The following DSCAM variants were observed in gnomAD, a reference collection of about 807,000 sequenced individuals.
DSCAM encodes DS cell adhesion molecule.
A neutral mutation model predicts 217.7 loss-of-function variants in DSCAM; 47 were observed. The observed-to-expected ratio is 0.22, with a 90% confidence interval of 0.17 to 0.28. DSCAM has a LOEUF of 0.28. Among genes scored for constraint, DSCAM ranks in the 10% least tolerant of loss-of-function variants. The probability of loss-of-function intolerance (pLI) is 1.00; values close to 1 mark genes in which losing one functional copy is unlikely to be tolerated. For synonymous variants in DSCAM, 1,056 were observed against 1,015.3 expected, an observed-to-expected ratio of 1.04 and a Z score of -0.76; for missense variants, 2,080 against 2,618.3, an observed-to-expected ratio of 0.79 and a Z score of 4.49.
At chr21:40,819,033 G>A (rs144124651) in intron 1 of DSCAM, among the ~76,000 whole-genome samples, 1 of 152,302 alleles carries the variant, frequency 6.6e-6, no homozygotes, top group African/African-American at 2.4e-5. Flanking sequence ...TTGCGTAACA[G>A]CCATCCACCC....
chr21:40,815,173 G>T (rs2091869880), intron 1 of DSCAM, among the ~76,000 whole-genome samples: 1 of 151,962 alleles, frequency 6.6e-6, no homozygotes, highest in Admixed American at 6.6e-5. Flanking sequence ...AGTTCCCAAA[G>T]AAAAAAGGTA....
intron 1 of DSCAM, among the ~76,000 whole-genome samples, chr21:40,716,020 T>C (rs2090838218): frequency 6.6e-6 from 1 of 152,194 alleles, no homozygotes; most frequent in South Asian, 2.1e-4. Context: ...GTGAAATTAT[T>C]TAAATGACTG....
intron 3 of DSCAM, among the ~76,000 whole-genome samples, chr21:40,645,519 T>C (rs2089935782): frequency 6.6e-6 from 1 of 152,204 alleles, no homozygotes; most frequent in Admixed American, 6.5e-5. Flanking sequence ...AGTTTTTTTT[T>C]TAGTAGGCAT....
intron 3 of DSCAM, among the ~76,000 whole-genome samples, chr21:40,617,965 G>A (rs1366856858): frequency 6.6e-6 from 1 of 152,214 alleles, no homozygotes; most frequent in African/African-American, 2.4e-5. Context: ...CAACACACTT[G>A]GGGCTTTTGT....
At chr21:40,548,368 G>A (rs2837697) in intron 3 of DSCAM, among the ~76,000 whole-genome samples, 86,285 of 151,854 alleles carry the variant, frequency 0.57, 24,684 homozygotes, top group East Asian at 0.67. Flanking sequence ...TTAAGTAAGT[G>A]AACGCTAAAC....
chr21:40,530,110 A>T (rs997626348), intron 3 of DSCAM, among the ~76,000 whole-genome samples: 89 of 152,200 alleles, frequency 5.8e-4, no homozygotes, highest in African/African-American at 2.1e-3. Flanking sequence ...CTGTAGCTCC[A>T]CACTGCCCCC....
chr21:40,329,654 A>AAATG (rs1452940437), intron 8 of DSCAM, among the ~76,000 whole-genome samples: 8 of 148,092 alleles, frequency 5.4e-5, no homozygotes, highest in Admixed American at 3.4e-4. Flanking sequence ...ATAAATAAAT[A>AAATG]AATAATAAAA....
intron 3 of DSCAM, among the ~76,000 whole-genome samples, chr21:40,521,372 C>G (rs1054705066): frequency 6.6e-6 from 1 of 152,140 alleles, no homozygotes; most frequent in Non-Finnish European, 1.5e-5. Context: ...TTATTCCCAC[C>G]CACAGTGTGT....
chr21:40,495,638 C>T (rs536703510), intron 3 of DSCAM, among the ~76,000 whole-genome samples: 1 of 152,240 alleles, frequency 6.6e-6, no homozygotes, highest in South Asian at 2.1e-4. Flanking sequence ...ACTATGCCCA[C>T]TCTTGTCCTT....
intron 1 of DSCAM, among the ~76,000 whole-genome samples, chr21:40,810,072 T>C (rs1162281920): frequency 6.6e-6 from 1 of 152,228 alleles, no homozygotes; most frequent in South Asian, 2.1e-4. Context: ...GCCCCTCTGT[T>C]GAAACTATGA....
At position 40,144,117 on chromosome 21, in the gene DSCAM, T is replaced by TA. The variant is rs1446961018; in HGVS notation, c.3259+373_3259+374insT. Among the ~76,000 whole-genome samples, 1 of 152,090 alleles carries TA rather than the reference T, an allele frequency of 6.6e-6. No individual in the cohort carries two copies. Among genetic ancestry groups the TA allele is most frequent in the Non-Finnish European group, 1.5e-5 (1 of 68,016 alleles). On this transcript the variant is annotated intron_variant, in intron 17 of 32. Coordinates refer to ENST00000400454, the MANE Select transcript of DSCAM (RefSeq NM_001389.5). This position sits in a 1 kb window ranked among gnomAD's most constrained non-coding sequence, Gnocchi z 4.8. The stretch of plus-strand genomic sequence containing the variant: ...GAAACAATGAAAAATAAAATAAATT[T>TA]TAAAAAACCTTCTTAACATTTGGGA...
intron 3 of DSCAM, among the ~76,000 whole-genome samples, chr21:40,615,665 G>A (rs1229474422): frequency 1.3e-5 from 2 of 151,982 alleles, no homozygotes; most frequent in Non-Finnish European, 2.9e-5. Context: ...AGAAAAGCAG[G>A]GTACCTCAGA....
chr21:40,221,915 G>T (rs879426774), intron 11 of DSCAM, among the ~76,000 whole-genome samples: 21 of 152,224 alleles, frequency 1.4e-4, no homozygotes, highest in Middle Eastern at 3.2e-3. Context: ...GCACCTGTGT[G>T]TTGGGTGCTC....
chr21:40,082,758 A>G (rs1212365122), intron 24 of DSCAM, among the ~76,000 whole-genome samples: 3 of 152,008 alleles, frequency 2.0e-5, no homozygotes, highest in Non-Finnish European at 4.4e-5. Flanking sequence ...ATGTTTAACA[A>G]CTGGTTCTTG....
intron 3 of DSCAM, among the ~76,000 whole-genome samples, chr21:40,410,267 T>C (rs1475864923): frequency 5.9e-5 from 9 of 152,082 alleles, no homozygotes; most frequent in Non-Finnish European, 8.8e-5. Flanking sequence ...GAAGAAATCA[T>C]CTGTGAACTC....
chr21:40,487,250 T>A (rs1485184742), intron 3 of DSCAM, among the ~76,000 whole-genome samples: 1 of 117,282 alleles, frequency 8.5e-6, no homozygotes, highest in East Asian at 2.3e-4. Context: ...TCTCTCTCTT[T>A]CTCTCCCTCT....
intron 3 of DSCAM, among the ~76,000 whole-genome samples, chr21:40,421,455 C>G (rs1262045597): frequency 6.6e-6 from 1 of 152,220 alleles, no homozygotes; most frequent in Non-Finnish European, 1.5e-5. Context: ...TCTTAGCATG[C>G]TCCTTTTTGA....
intron 11 of DSCAM, among the ~76,000 whole-genome samples, chr21:40,194,682 G>A (rs550419893): frequency 1.3e-5 from 2 of 152,196 alleles, no homozygotes; most frequent in Non-Finnish European, 2.9e-5. Context: ...CAGTAAATCT[G>A]TGTTCTTATG....
intron 20 of DSCAM, among the ~76,000 whole-genome samples, chr21:40,101,599 G>T (rs943101994): frequency 6.6e-6 from 1 of 152,134 alleles, no homozygotes; most frequent in Non-Finnish European, 1.5e-5. Flanking sequence ...TAGCCCGGGG[G>T]TTGGGGAATC....
Sources: gnomAD v4.1 joint callset for allele counts (sites outside exome capture counted in the v4.1 genomes callset) on GRCh38, gnomAD v4.1.1 for gene constraint, Gnocchi (gnomAD v3.1) non-coding constraint, MANE v1.5 for transcripts, NCBI Gene and HGNC (gene_info 2026-07-23, HGNC 2026-07-21) for gene names.